LRP1B: variants seen among roughly 807,000 people sequenced by gnomAD.
LRP1B encodes low-density lipoprotein receptor-related protein 1B.
Under a neutral mutation model 556.6 loss-of-function variants are expected in LRP1B, and 217 were observed. The observed-to-expected ratio is 0.39, with a 90% confidence interval of 0.35 to 0.44. The LOEUF (loss-of-function observed/expected upper bound fraction) is 0.44. Among genes scored for constraint, LRP1B ranks in the 20% least tolerant of loss-of-function variants. LRP1B has a pLI of 1.00. For synonymous variants in LRP1B, 2,047 were observed against 1,865.8 expected (o/e 1.10, Z -2.50); for missense variants, 5,053 against 5,620.8 (o/e 0.90, Z 3.23).
At chr2:141,339,212 A>AT (rs142026489) in intron 3 of LRP1B, among the ~76,000 whole-genome samples, 84,853 of 150,990 alleles carry the variant, frequency 0.56, 24,423 homozygotes, top group Middle Eastern at 0.61. Context: ...TATGTCTATA[A>AT]ATTTTTTCCC....
rs528317995 is a variant in LRP1B, at chr2:140,370,696, C to A, written c.11008+14G>T. 6 of 1,611,738 alleles carry A rather than the reference C, an allele frequency of 3.7e-6. No individual in the cohort carries two copies. Among genetic ancestry groups the A allele is most frequent in the South Asian group, 3.3e-5 (3 of 90,962 alleles). The stretch of plus-strand genomic sequence containing the variant: ...TCTCTCATTTACAGGCACACACACA[C>A]AAAAATACCTTACCTCTTTCACAGT... On this transcript the variant is annotated intron_variant, in intron 71 of 90. Transcript: ENST00000389484.
chr2:141,133,993 G>A (rs557377973), intron 7 of LRP1B, among the ~76,000 whole-genome samples: 7 of 151,676 alleles, frequency 4.6e-5, no homozygotes, highest in African/African-American at 1.4e-4. Context: ...AACAATACAT[G>A]CATACCCAGA....
chr2:140,723,357 T>A (rs1399106788), intron 35 of LRP1B, among the ~76,000 whole-genome samples: 2 of 152,160 alleles, frequency 1.3e-5, no homozygotes, highest in Non-Finnish European at 2.9e-5. Flanking sequence ...CTAGTTCATC[T>A]TCTTCTTATT....
At chr2:141,177,952 A>C (rs540208015) in intron 7 of LRP1B, among the ~76,000 whole-genome samples, 1 of 152,236 alleles carries the variant, frequency 6.6e-6, no homozygotes, top group South Asian at 2.1e-4. Flanking sequence ...AGAAAGAGAA[A>C]GCCAAGGGAG....
In LRP1B at chr2:141,070,934, A is replaced by G. The variant is rs1388928973; in HGVS notation, c.1014-8661T>C. On this transcript the variant is annotated intron_variant, in intron 7 of 90. Coordinates refer to ENST00000389484, the MANE Select transcript of LRP1B (RefSeq NM_018557.3). ...CGAATTCTACCAGAGGTACAAGGAG[A>G]AACTGGTACCATTCCTTCTGAAACT... 1.1e-4 allele frequency among the ~76,000 whole-genome samples: 17 copies of G among 152,148 alleles called. 1 individual carries two copies. Among genetic ancestry groups the G allele is most frequent in the South Asian group, 4.1e-4 (2 of 4,824 alleles).
chr2:141,389,596 G>GCAA (rs146962572), intron 3 of LRP1B, among the ~76,000 whole-genome samples: 1,719 of 151,728 alleles, frequency 0.011, 34 homozygotes, highest in African/African-American at 0.038. Context: ...CGCACGAGGA[G>GCAA]CAACAACAAC....
chr2:141,663,860 C>G (rs1690316994), intron 2 of LRP1B, among the ~76,000 whole-genome samples: 1 of 148,040 alleles, frequency 6.8e-6, no homozygotes, highest in Admixed American at 6.8e-5. Flanking sequence ...GAAATTAAGA[C>G]AGATATCATC....
At chr2:140,970,524 G>C (rs574090095) in intron 18 of LRP1B, among the ~76,000 whole-genome samples, 1 of 151,902 alleles carries the variant, frequency 6.6e-6, no homozygotes, top group African/African-American at 2.4e-5. Flanking sequence ...TTCTCAACTC[G>C]TCAGTCATTC....
At chr2:141,782,832 T>C (rs1474760391) in intron 2 of LRP1B, among the ~76,000 whole-genome samples, 2 of 152,052 alleles carry the variant, frequency 1.3e-5, no homozygotes, top group African/African-American at 4.8e-5. Context: ...ATAAATTTTA[T>C]TGTATGTTTA....
intron 2 of LRP1B, among the ~76,000 whole-genome samples, chr2:141,484,060 T>A (rs1175619898): frequency 2.0e-5 from 3 of 152,296 alleles, no homozygotes; most frequent in African/African-American, 7.2e-5. Context: ...CTGAACGGTA[T>A]TGCCTAGGTT....
At position 140,868,265 on chromosome 2, in the gene LRP1B, TAAAAA is replaced by T; in HGVS notation, c.4170-7_4170-3del. ...TCCCAGTCTGTCCAGAAAAGAATTC[TAAAAA>T]AAAAAAAAAAAAAAGAAATAATACT... On this transcript the variant is annotated splice_polypyrimidine_tract_variant and splice_region_variant and intron_variant, in intron 25 of 90. Coordinates refer to ENST00000389484, the MANE Select transcript of LRP1B (RefSeq NM_018557.3). 6.9e-6 allele frequency: 9 copies of T among 1,296,010 alleles called. No homozygotes were observed. Among genetic ancestry groups the T allele is most frequent in the Non-Finnish European group, 7.1e-6 (7 of 991,560 alleles). The allele number at this position is 1,296,010 out of a possible 1,614,324, so 80.3% of individuals were successfully genotyped here. A position where few individuals can be genotyped will look rare whatever the true frequency, so the allele number is the denominator to read the frequency against.
At chr2:140,669,543 T>C (rs970140884) in intron 41 of LRP1B, among the ~76,000 whole-genome samples, 3 of 152,158 alleles carry the variant, frequency 2.0e-5, no homozygotes, top group African/African-American at 7.2e-5. Context: ...CGTTCCAAGA[T>C]TTAATTATCA....
chr2:140,910,263 T>C (rs1169867934), intron 21 of LRP1B, among the ~76,000 whole-genome samples: 2 of 151,792 alleles, frequency 1.3e-5, no homozygotes, highest in Non-Finnish European at 3.0e-5. Flanking sequence ...TATTTATGTA[T>C]ATGGATTTTA....
At chr2:141,336,240 T>C (rs1228799267) in intron 3 of LRP1B, among the ~76,000 whole-genome samples, 1 of 151,914 alleles carries the variant, frequency 6.6e-6, no homozygotes, top group Admixed American at 6.6e-5. Context: ...TCTTAAATGG[T>C]GATGTTCCCC....
intron 66 of LRP1B, among the ~76,000 whole-genome samples, chr2:140,406,253 T>C (rs544691350): frequency 2.0e-5 from 3 of 152,156 alleles, no homozygotes; most frequent in South Asian, 4.2e-4. Context: ...TGGGGAAAAG[T>C]TGAAAGCATG....
chr2:140,851,934 A>G, intron 27 of LRP1B, 151 bp from the exon 28 acceptor site: 1 of 528,082 alleles, frequency 1.9e-6, no homozygotes, highest in South Asian at 4.1e-5. Context: ...AATAATAGAC[A>G]ATCATACACA....
intron 1 of LRP1B, among the ~76,000 whole-genome samples, chr2:142,061,960 A>G (rs1704935331): frequency 1.3e-5 from 2 of 152,004 alleles, no homozygotes; most frequent in South Asian, 4.2e-4. Context: ...GTGACTGTCA[A>G]TGAGGAATCC....
At chr2:140,779,587 C>A (rs1183282707) in intron 32 of LRP1B, among the ~76,000 whole-genome samples, 1 of 150,680 alleles carries the variant, frequency 6.6e-6, no homozygotes, top group Non-Finnish European at 1.5e-5. Flanking sequence ...CCCAGCTACT[C>A]AGGAGGCTGA....
chr2:141,041,003 C>T (rs150286820), intron 11 of LRP1B, among the ~76,000 whole-genome samples: 2 of 152,048 alleles, frequency 1.3e-5, no homozygotes, highest in Non-Finnish European at 2.9e-5. Flanking sequence ...TTATTCATTA[C>T]TCTTTAACTT....
Sources: allele counts gnomAD v4.1 joint callset (sites outside exome capture counted in the v4.1 genomes callset), GRCh38; gene constraint gnomAD v4.1.1; transcripts MANE v1.5; gene names NCBI Gene and HGNC (gene_info 2026-07-23, HGNC 2026-07-21).